Variants in CREBBP observed in about 807,000 individuals in gnomAD.
CREBBP encodes the protein CREB-binding protein.
Under a neutral mutation model 265.0 loss-of-function variants are expected in CREBBP, and 19 were observed. The observed-to-expected ratio is 0.07, with a 90% CI of 0.05 to 0.11. The LOEUF is 0.11. Among genes scored for constraint, CREBBP ranks in the 10% least tolerant of loss-of-function variants. CREBBP has a pLI of 1.00. For synonymous variants in CREBBP, 1,457 were observed against 1,223.7 expected, an observed-to-expected ratio of 1.19 and a Z score of -3.98; for missense variants, 2,525 against 3,219.0, an observed-to-expected ratio of 0.78 and a Z score of 5.22.
rs1308824560 is a variant in CREBBP, at chr16:3,745,154, C to A, written c.3914+123G>T. 3.4e-5 allele frequency: 35 copies of A among 1,021,780 alleles called. 1 individual carries two copies. Among genetic ancestry groups the A allele is most frequent in the South Asian group, 1.2e-4 (9 of 73,056 alleles). The allele number at this position is 1,021,780 out of a possible 1,614,324, so 63.3% of individuals were successfully genotyped here. A position where few individuals can be genotyped will look rare whatever the true frequency, so the allele number is the denominator to read the frequency against. On this transcript the variant is annotated intron_variant, in intron 22 of 30. Transcript: ENST00000262367. The stretch of plus-strand genomic sequence containing the variant: ...GCTTAGAACTTAAATTTAGAACCAA[C>A]TGCCATCTCTCTTAATCGCTGAATT...
At chr16:3,802,091 T>C (rs902166346) in intron 3 of CREBBP, among the ~76,000 whole-genome samples, 1 of 151,258 alleles carries the variant, frequency 6.6e-6, no homozygotes, top group Non-Finnish European at 1.5e-5. Context: ...GCAAACTCTT[T>C]ATATTTACTC....
chr16:3,764,506 C>T (rs1317872123), intron 16 of CREBBP, among the ~76,000 whole-genome samples: 1 of 151,954 alleles, frequency 6.6e-6, no homozygotes, highest in Non-Finnish European at 1.5e-5. Flanking sequence ...GAACGCCTGG[C>T]CATAAGTAAT....
chr16:3,761,138 G>A (rs1002329692), intron 16 of CREBBP, among the ~76,000 whole-genome samples: 4 of 152,032 alleles, frequency 2.6e-5, no homozygotes, highest in African/African-American at 9.7e-5. Context: ...ATTTTTAGTA[G>A]AGACTGGGTT....
chr16:3,849,828 C>G (rs760778752), intron 2 of CREBBP, among the ~76,000 whole-genome samples: 1 of 152,060 alleles, frequency 6.6e-6, no homozygotes, highest in Non-Finnish European at 1.5e-5. Flanking sequence ...CTCTGGGACC[C>G]GAATGCCTGT....
chr16:3,849,149 G>A (rs1297883153), intron 2 of CREBBP, among the ~76,000 whole-genome samples: 1 of 152,146 alleles, frequency 6.6e-6, no homozygotes, highest in Non-Finnish European at 1.5e-5. Context: ...GGTGGCTGCT[G>A]TTGAGAAGCC....
chr16:3,729,242 TGTGGACACC>T lies in CREBBP; in HGVS notation c.5796_5804del (p.Val1933_Thr1935del), dbSNP rs1010807816. The stretch of plus-strand genomic sequence containing the variant: ...CCGGCACCTGGCTGGTAGGCTTCCC[TGTGGACACC>T]GTGGTGGGGGGCTGAGTCCGGGCCA... On this transcript the variant is annotated inframe_deletion, in exon 31 of 31. Coordinates refer to ENST00000262367, the MANE Select transcript of CREBBP (RefSeq NM_004380.3). 3.5e-5 allele frequency: 53 copies of T among 1,527,216 alleles called. No individual in the cohort carries two copies. Among genetic ancestry groups the T allele is most frequent in the Non-Finnish European group, 4.3e-5 (49 of 1,142,654 alleles). 94.6% of individuals were successfully genotyped at this position (1,527,216 alleles called of 1,614,324 possible).
chr16:3,822,338 A>C (rs1018702961), intron 2 of CREBBP, among the ~76,000 whole-genome samples: 6 of 152,238 alleles, frequency 3.9e-5, no homozygotes, highest in African/African-American at 9.6e-5. Flanking sequence ...GTTCAGAGAA[A>C]AGGAGAAATA....
chr16:3,783,097 A>G (rs1482918780), intron 5 of CREBBP, among the ~76,000 whole-genome samples, 171 bp from the exon 6 acceptor site: 2 of 152,250 alleles, frequency 1.3e-5, no homozygotes, highest in Non-Finnish European at 2.9e-5. Context: ...TGAAGGACTC[A>G]TTTATTCTGC....
At chr16:3,736,365 C>T in intron 27 of CREBBP, 162 bp from the exon 28 acceptor site, 1 of 786,492 alleles carries the variant, frequency 1.3e-6, no homozygotes, top group South Asian at 1.6e-5. Context: ...CACATGTGCA[C>T]CCCCCACCAC....
At chr16:3,859,590 C>G (rs765736573) in intron 1 of CREBBP, among the ~76,000 whole-genome samples, 6 of 152,148 alleles carry the variant, frequency 3.9e-5, no homozygotes, top group Non-Finnish European at 8.8e-5. Context: ...CAAGGCATGA[C>G]TGATTAGAGG....
chr16:3,808,202 G>A (rs758188938), intron 3 of CREBBP, among the ~76,000 whole-genome samples: 2 of 151,804 alleles, frequency 1.3e-5, no homozygotes, highest in Non-Finnish European at 2.9e-5. Flanking sequence ...GAAAAGAAGT[G>A]GTTCTACTTT....
chr16:3,864,629 C>T (rs1356536655), intron 1 of CREBBP, among the ~76,000 whole-genome samples: 1 of 152,020 alleles, frequency 6.6e-6, no homozygotes, highest in South Asian at 2.1e-4. Context: ...TCCTGGGTGA[C>T]AGAGTGAGAC....
In CREBBP at chr16:3,850,197, G is replaced by T. The variant is rs1307182762; in HGVS notation, c.798+100C>A. On this transcript the variant is annotated intron_variant, in intron 2 of 30. Coordinates refer to ENST00000262367, the MANE Select transcript of CREBBP (RefSeq NM_004380.3). ...TGAGTGGCACGTGGAGAGCCCAAGAGGAAAAACAGGAGTGGGCCACGTGGT... is the reference window on the plus strand; with the variant it reads ...TGAGTGGCACGTGGAGAGCCCAAGATGAAAAACAGGAGTGGGCCACGTGGT... 4.3e-5 allele frequency: 51 copies of T among 1,197,688 alleles called. No individual in the cohort carries two copies. The Admixed American group carries it at 8.3e-4, about 19-fold the overall frequency. The allele number at this position is 1,197,688 out of a possible 1,614,324, so 74.2% of individuals were successfully genotyped here. A position where few individuals can be genotyped will look rare whatever the true frequency, so the allele number is the denominator to read the frequency against.
At chr16:3,784,313 AATG>A (rs2053339204) in intron 5 of CREBBP, among the ~76,000 whole-genome samples, 1 of 152,214 alleles carries the variant, frequency 6.6e-6, no homozygotes, top group African/African-American at 2.4e-5. Context: ...CTTTTCTAAT[AATG>A]ATATTCAGAT....
At chr16:3,847,610 C>T (rs998664630) in intron 2 of CREBBP, among the ~76,000 whole-genome samples, 5 of 152,136 alleles carry the variant, frequency 3.3e-5, no homozygotes, top group African/African-American at 1.2e-4. Context: ...GTGACATCCA[C>T]GAGTTGCTGT....
At chr16:3,766,309 G>A (rs1239747175) in intron 16 of CREBBP, among the ~76,000 whole-genome samples, 2 of 152,168 alleles carry the variant, frequency 1.3e-5, no homozygotes, top group East Asian at 1.9e-4. Flanking sequence ...AGCTGAAAGG[G>A]CTACGAAAAT....
At chr16:3,849,504 G>GTGTGTGTGTGTGTGTGTGTGTGTGTGTGT (rs2054780105) in intron 2 of CREBBP, among the ~76,000 whole-genome samples, 1 of 119,708 alleles carries the variant, frequency 8.4e-6, no homozygotes, top group African/African-American at 3.3e-5. Flanking sequence ...GCGTGACCTT[G>GTGTGTGTGTGTGTGTGTGTGTGTGTGTGT]GAGCCACCTG....
intron 12 of CREBBP, 58 bp from the exon 13 acceptor site, chr16:3,773,988 C>G (rs1567302226): frequency 6.3e-7 from 1 of 1,580,482 alleles, no homozygotes; most frequent in Non-Finnish European, 8.7e-7. Flanking sequence ...CCAGAGTTTT[C>G]AAGGTGAGCC....
intron 15 of CREBBP, among the ~76,000 whole-genome samples, chr16:3,768,609 T>C (rs914753690): frequency 1.3e-5 from 2 of 152,198 alleles, no homozygotes; most frequent in African/African-American, 4.8e-5. Context: ...GAAGGAGCAG[T>C]GGGGACTGTG....
Sources: gnomAD v4.1 joint callset for allele counts (sites outside exome capture counted in the v4.1 genomes callset) on GRCh38, gnomAD v4.1.1 for gene constraint, MANE v1.5 for transcripts, NCBI Gene and HGNC (gene_info 2026-07-23, HGNC 2026-07-21) for gene names.